The following SPATA12 variants were observed in gnomAD, a reference collection of about 807,000 sequenced individuals.
SPATA12 encodes spermatogenesis associated 12.
For synonymous variants in SPATA12, 85 were observed against 89.2 expected, an observed-to-expected ratio of 0.95 and a Z score of 0.26; for missense variants, 219 against 226.4, an observed-to-expected ratio of 0.97 and a Z score of 0.21.
At chr3:57,065,465 C>CA (rs569274829) in intron 1 of SPATA12, among the ~76,000 whole-genome samples, 76 of 138,444 alleles carry the variant, frequency 5.5e-4, no homozygotes, top group African/African-American at 1.4e-3. Flanking sequence ...CATCACAAAA[C>CA]AAAAAAAAAA....
chr3:57,064,879 C>T (rs559974125), intron 1 of SPATA12, among the ~76,000 whole-genome samples: 8 of 152,130 alleles, frequency 5.3e-5, no homozygotes, highest in Admixed American at 2.0e-4. Flanking sequence ...TATCAGTATA[C>T]GCAACACTAC....
At position 57,074,444 on chromosome 3, in the gene SPATA12, T is replaced by C. The variant is rs941616946; in HGVS notation, c.*177T>C. 15 of 614,172 alleles carry C rather than the reference T, an allele frequency of 2.4e-5. No homozygotes were observed. Among genetic ancestry groups the C allele is most frequent in the African/African-American group, 2.2e-4 (12 of 53,786 alleles). The allele number at this position is 614,172 out of a possible 1,614,324, so 38.0% of individuals were successfully genotyped here. On this transcript the variant is annotated 3_prime_UTR_variant, in exon 2 of 2. Coordinates refer to ENST00000334325, the MANE Select transcript of SPATA12 (RefSeq NM_181727.2). ...GCCTCCCTGTCACACTTCCCCAATA[T>C]CACAGATGAAGAAATCAAGATTCAG...
At chr3:57,066,380 G>T (rs762053681) in intron 1 of SPATA12, among the ~76,000 whole-genome samples, 2 of 151,870 alleles carry the variant, frequency 1.3e-5, no homozygotes, top group African/African-American at 4.8e-5. Flanking sequence ...ACCTGCCTCA[G>T]CCTCCCAAGT....
intron 1 of SPATA12, among the ~76,000 whole-genome samples, chr3:57,061,277 G>A (rs1227816331): frequency 1.3e-5 from 2 of 152,084 alleles, no homozygotes; most frequent in African/African-American, 4.8e-5. Flanking sequence ...GTTGTAGCAT[G>A]TGTCAAAAAT....
chr3:57,062,074 G>T (rs938828017), intron 1 of SPATA12, among the ~76,000 whole-genome samples: 1 of 152,092 alleles, frequency 6.6e-6, no homozygotes, highest in Non-Finnish European at 1.5e-5. Context: ...ATGCTCCACT[G>T]GATTGGATCT....
In SPATA12 at chr3:57,073,664, T is replaced by G. The variant is rs760695144; in HGVS notation, c.-31T>G. On this transcript the variant is annotated 5_prime_UTR_variant, in exon 2 of 2. Transcript: ENST00000334325. ...CCGGCCAAGTGCCCCAGCCTCCTTTTCTGGAGAATTCTGTTTTTGACTTGG... is the reference window on the plus strand; with the variant it reads ...CCGGCCAAGTGCCCCAGCCTCCTTTGCTGGAGAATTCTGTTTTTGACTTGG... 4 of 1,589,126 alleles carry G rather than the reference T, an allele frequency of 2.5e-6. No homozygotes were observed. The highest frequency in any genetic ancestry group is 3.4e-6 in the Non-Finnish European group (4 of 1,168,028).
At chr3:57,070,142 C>T (rs138576712) in intron 1 of SPATA12, among the ~76,000 whole-genome samples, 73 of 152,290 alleles carry the variant, frequency 4.8e-4, no homozygotes, top group Non-Finnish European at 4.3e-4. Flanking sequence ...CCTATCACCA[C>T]CTGGTGCCTC....
chr3:57,071,308 A>G (rs1705888723), intron 1 of SPATA12, among the ~76,000 whole-genome samples: 1 of 152,162 alleles, frequency 6.6e-6, no homozygotes, highest in Non-Finnish European at 1.5e-5. Context: ...ACAAACATCA[A>G]ATCAAAACAG....
chr3:57,072,659 G>A (rs909003937), intron 1 of SPATA12, among the ~76,000 whole-genome samples: 2 of 147,392 alleles, frequency 1.4e-5, no homozygotes, highest in African/African-American at 2.5e-5. Flanking sequence ...TGAGAATCAC[G>A]TGAACCCGGG....
intron 1 of SPATA12, among the ~76,000 whole-genome samples, chr3:57,071,233 T>C (rs1046149154): frequency 2.0e-5 from 3 of 152,180 alleles, no homozygotes; most frequent in Admixed American, 6.5e-5. Context: ...TTTCAACACA[T>C]GGTTCTGGGA....
At chr3:57,073,330 A>C (rs1706037438) in intron 1 of SPATA12, 36 bp from the exon 2 acceptor site, 1 of 193,474 alleles carries the variant, frequency 5.2e-6, no homozygotes, top group African/African-American at 2.3e-5. Flanking sequence ...TATGTTCAAT[A>C]AGAATATAAT....
chr3:57,068,933 T>C (rs566975890), intron 1 of SPATA12, among the ~76,000 whole-genome samples: 1,599 of 151,776 alleles, frequency 0.011, 22 homozygotes, highest in African/African-American at 0.036. Flanking sequence ...TTTTTTTTTT[T>C]TTTTCTGAGA....
Position 57,075,129 on chromosome 3 carries a change from G to T in SPATA12, c.*862G>T, listed in dbSNP as rs1706150272. The T allele has an allele frequency of 6.0e-6, 1 of 167,130 alleles. No homozygotes were observed. The highest frequency in any genetic ancestry group is 2.4e-5 in the African/African-American group (1 of 41,438). The allele number at this position is 167,130 out of a possible 1,614,324, so 10.4% of individuals were successfully genotyped here. A position where few individuals can be genotyped will look rare whatever the true frequency, so the allele number is the denominator to read the frequency against. ...TGTCCATGAGGCTGCTCCCTCATTT[G>T]TCTGGGTTTCTGCTCCAATGCTATC... is the stretch of plus-strand genomic sequence containing the variant. On this transcript the variant is annotated 3_prime_UTR_variant, in exon 2 of 2. Coordinates refer to ENST00000334325, the MANE Select transcript of SPATA12 (RefSeq NM_181727.2).
At position 57,074,267 on chromosome 3, in the gene SPATA12, A is replaced by C. The variant is rs930981742; in HGVS notation, c.573A>C (p.Ter191TyrextTer36). ...ACACACACATACACACACATCTGTAATCAATAATAATCCTGCAACATCTGA... is the reference window on the plus strand; with the variant it reads ...ACACACACATACACACACATCTGTACTCAATAATAATCCTGCAACATCTGA... ...YSNTHIHTHL[*>Y] The change falls in exon 2 of 2, where the codon TAA (stop) becomes TAC (tyrosine). Residue 191 changes from the stop codon to tyrosine (Y), a stop_lost. Transcript: ENST00000334325. 6 of 1,605,188 alleles carry C rather than the reference A, an allele frequency of 3.7e-6. No homozygotes were observed. The highest frequency in any genetic ancestry group is 5.1e-6 in the Non-Finnish European group (6 of 1,173,820).
At chr3:57,067,051 A>G (rs1023125781) in intron 1 of SPATA12, among the ~76,000 whole-genome samples, 3 of 152,238 alleles carry the variant, frequency 2.0e-5, no homozygotes, top group African/African-American at 4.8e-5. Flanking sequence ...TGATTTTCCA[A>G]TAGAAATTGT....
At chr3:57,063,303 G>C (rs529257367) in intron 1 of SPATA12, among the ~76,000 whole-genome samples, 1 of 152,232 alleles carries the variant, frequency 6.6e-6, no homozygotes, top group African/African-American at 2.4e-5. Context: ...CACCCTAAAG[G>C]CTTTGGCTTT....
chr3:57,073,535 G>A lies in SPATA12; in HGVS notation c.-160G>A. Reference sequence around the variant, plus strand: ...GTGACTGTGGGGTTTGGCTCTGTTTGAGCACCCCGGGATGATTGGTGGTGG... The same window carrying A: ...GTGACTGTGGGGTTTGGCTCTGTTTAAGCACCCCGGGATGATTGGTGGTGG... On this transcript the variant is annotated 5_prime_UTR_variant, in exon 2 of 2. Coordinates refer to ENST00000334325, the MANE Select transcript of SPATA12 (RefSeq NM_181727.2). 8.0e-7 allele frequency: 1 copy of A among 1,257,100 alleles called. No individual in the cohort carries two copies. The highest frequency in any genetic ancestry group is 1.6e-5 in the South Asian group (1 of 61,288). 77.9% of individuals were successfully genotyped at this position (1,257,100 alleles called of 1,614,324 possible). A position where few individuals can be genotyped will look rare whatever the true frequency, so the allele number is the denominator to read the frequency against.
chr3:57,062,679 G>A lies in SPATA12; in HGVS notation c.-330+1893G>A, dbSNP rs967896936. On this transcript the variant is annotated intron_variant, in intron 1 of 1. Transcript: ENST00000334325. ...ATATCTGGTGGGAATGACAGGACTC[G>A]CTGTTTCTCTGTCTACACACATGCA... Among the ~76,000 whole-genome samples, 5 of 151,990 alleles carry A rather than the reference G, an allele frequency of 3.3e-5. No individual in the cohort carries two copies. The South Asian group carries it at 1.0e-3, about 32-fold the overall frequency.
intron 1 of SPATA12, among the ~76,000 whole-genome samples, chr3:57,067,454 A>AAATAATAATAATAATAATAAT (rs10528636): frequency 1.4e-5 from 2 of 140,458 alleles, no homozygotes; most frequent in Non-Finnish European, 3.0e-5. Flanking sequence ...CTCTGTCTCA[A>AAATAATAATAATAATAATAAT]AATAATAATA....
Sources: allele counts gnomAD v4.1 joint callset (sites outside exome capture counted in the v4.1 genomes callset), GRCh38; gene constraint gnomAD v4.1.1; transcripts MANE v1.5; gene names NCBI Gene and HGNC (gene_info 2026-07-23, HGNC 2026-07-21).